Variants in CDH18 observed in about 807,000 individuals in gnomAD.
The protein encoded by CDH18 is cadherin-18.
In CDH18, 31 loss-of-function variants were observed where a neutral mutation model predicts 67.9. The observed-to-expected ratio is 0.46, with a 90% CI of 0.34 to 0.62. The LOEUF (loss-of-function observed/expected upper bound fraction) is 0.62. Ranked by LOEUF, CDH18 falls within the 20% of genes least tolerant of loss-of-function variation. The probability of loss-of-function intolerance (pLI) is 0.01; values close to 1 mark genes in which losing one functional copy is unlikely to be tolerated. For synonymous variants in CDH18, 362 were observed against 347.2 expected (o/e 1.04, Z -0.48); for missense variants, 890 against 975.5 (o/e 0.91, Z 1.17).
At chr5:19,699,598 GTCTC>G (rs913273884) in intron 5 of CDH18, among the ~76,000 whole-genome samples, 1 of 149,446 alleles carries the variant, frequency 6.7e-6, no homozygotes, top group Non-Finnish European at 1.5e-5. Context: ...GAGAGATGAT[GTCTC>G]TCTTTCTCCA....
intron 1 of CDH18, among the ~76,000 whole-genome samples, chr5:20,278,446 T>A (rs1745975775): frequency 6.6e-6 from 1 of 151,988 alleles, no homozygotes; most frequent in South Asian, 2.1e-4. Flanking sequence ...AATACAATCT[T>A]TCCCAGACAA....
intron 11 of CDH18, among the ~76,000 whole-genome samples, chr5:19,500,391 T>C (rs1743044228): frequency 6.6e-6 from 1 of 152,114 alleles, no homozygotes; most frequent in African/African-American, 2.4e-5. Context: ...CTACCAAGGG[T>C]ACTAAGCCAG....
chr5:19,808,329 C>T (rs5024079), intron 3 of CDH18, among the ~76,000 whole-genome samples: 5 of 144,534 alleles, frequency 3.5e-5, no homozygotes, highest in East Asian at 2.2e-4. Context: ...AAAAAAAAAA[C>T]AAAAATAAAA....
chr5:20,561,314 A>G (rs1380640652), intron 1 of CDH18, among the ~76,000 whole-genome samples: 1 of 152,132 alleles, frequency 6.6e-6, no homozygotes, highest in Non-Finnish European at 1.5e-5. Context: ...GGATGTTTAT[A>G]GCAATATTAT....
chr5:19,711,259 A>G (rs1581003807), intron 5 of CDH18, among the ~76,000 whole-genome samples: 1 of 152,038 alleles, frequency 6.6e-6, no homozygotes, highest in African/African-American at 2.4e-5. Context: ...CTATATTAAA[A>G]TAAAAGCTTC....
intron 6 of CDH18, among the ~76,000 whole-genome samples, chr5:19,601,641 C>A (rs1412945244): frequency 6.6e-6 from 1 of 151,908 alleles, no homozygotes; most frequent in African/African-American, 2.4e-5. Context: ...TAGACAGACA[C>A]TAAAATAATA....
At chr5:19,505,685 A>T (rs1231780247) in intron 10 of CDH18, among the ~76,000 whole-genome samples, 1 of 152,096 alleles carries the variant, frequency 6.6e-6, no homozygotes, top group Non-Finnish European at 1.5e-5. Flanking sequence ...ATCATGGTGG[A>T]TAAGCTTTTT....
chr5:19,868,918 G>A (rs1224467480), intron 2 of CDH18, among the ~76,000 whole-genome samples: 1 of 152,108 alleles, frequency 6.6e-6, no homozygotes, highest in Non-Finnish European at 1.5e-5. Flanking sequence ...AGACTTATTT[G>A]ATTTTTGAGC....
At chr5:19,963,598 T>C (rs1388632748) in intron 2 of CDH18, among the ~76,000 whole-genome samples, 1 of 152,062 alleles carries the variant, frequency 6.6e-6, no homozygotes, top group Non-Finnish European at 1.5e-5. Context: ...TCTCCTGCTA[T>C]CATGTGAAGA....
chr5:20,436,606 A>C (rs1399116914), intron 1 of CDH18, among the ~76,000 whole-genome samples: 1 of 151,532 alleles, frequency 6.6e-6, no homozygotes, highest in African/African-American at 2.4e-5. Flanking sequence ...TTTCTTAAAT[A>C]TATATAAACA....
intron 2 of CDH18, among the ~76,000 whole-genome samples, chr5:19,963,904 G>A (rs1343271265): frequency 1.3e-5 from 2 of 151,960 alleles, no homozygotes; most frequent in Admixed American, 1.3e-4. Flanking sequence ...AGAGCAAAGG[G>A]GGAAGAGCCC....
At chr5:20,004,975 A>G (rs752679181) in intron 2 of CDH18, among the ~76,000 whole-genome samples, 3 of 152,206 alleles carry the variant, frequency 2.0e-5, no homozygotes, top group Non-Finnish European at 4.4e-5. Context: ...AACAGAAAAA[A>G]TAGAAAGTAA....
intron 1 of CDH18, among the ~76,000 whole-genome samples, chr5:20,331,199 G>A (rs58978167): frequency 1.8e-3 from 268 of 152,290 alleles, no homozygotes; most frequent in African/African-American, 6.2e-3. Flanking sequence ...AGGACTAGTA[G>A]TATAAAGACC....
Position 19,543,989 on chromosome 5 carries a change from T to C in CDH18, c.1270A>G (p.Asn424Asp), listed in dbSNP as rs773843976. 2 of 1,571,852 alleles carry C rather than the reference T, an allele frequency of 1.3e-6. No homozygotes were observed. Among genetic ancestry groups the C allele is most frequent in the Non-Finnish European group, 1.7e-6 (2 of 1,151,910 alleles). Residue 424 changes from asparagine to aspartate, a missense_variant, in exon 9 of 13, where the codon AAT becomes GAT. Physicochemically the swap from Asn to Asp is conservative, Grantham distance 23 (BLOSUM62 1). Around this residue, in one of 2 missense-constraint regions of CDH18, gnomAD observed 656 missense variants for 668.1 expected, o/e 0.98. Transcript: ENST00000382275. ...TTGAAAAATCTGTCGTCTTCAACAT[T>C]GTAGTTGATGAAGTATCTAGAGAAA... ...NSLVRYFINY[N>D]VEDDRFFNID...
chr5:20,486,365 T>A (rs1753178550), intron 1 of CDH18, among the ~76,000 whole-genome samples: 1 of 152,198 alleles, frequency 6.6e-6, no homozygotes, highest in Admixed American at 6.6e-5. Flanking sequence ...TCACTCAATA[T>A]ATGCAACAAT....
intron 2 of CDH18, among the ~76,000 whole-genome samples, chr5:20,175,549 C>A (rs1484079532): frequency 6.6e-6 from 1 of 152,102 alleles, no homozygotes; most frequent in Non-Finnish European, 1.5e-5. Flanking sequence ...CCAGTCTTTT[C>A]TCCCTGGGCA....
At chr5:20,206,367 CA>C (rs1422498046) in intron 2 of CDH18, among the ~76,000 whole-genome samples, 2 of 151,672 alleles carry the variant, frequency 1.3e-5, no homozygotes, top group African/African-American at 2.4e-5. Flanking sequence ...AAGAAAATTC[CA>C]AAACCTAGTG....
At chr5:20,283,093 TTCTTG>T (rs1214651087) in intron 1 of CDH18, among the ~76,000 whole-genome samples, 1 of 147,716 alleles carries the variant, frequency 6.8e-6, no homozygotes, top group Non-Finnish European at 1.5e-5. Flanking sequence ...AGACCCCTGC[TTCTTG>T]TCTTATCAAA....
chr5:19,899,507 G>T (rs1057208684), intron 2 of CDH18, among the ~76,000 whole-genome samples: 2 of 152,156 alleles, frequency 1.3e-5, no homozygotes, highest in African/African-American at 4.8e-5. Flanking sequence ...CTGCTGGTGG[G>T]AATTTCAAAT....
Sources: allele counts gnomAD v4.1 joint callset (sites outside exome capture counted in the v4.1 genomes callset), GRCh38; gene constraint gnomAD v4.1.1; regional missense constraint gnomAD v4.1.1; transcripts MANE v1.5; gene names NCBI Gene and HGNC (gene_info 2026-07-23, HGNC 2026-07-21).